TBC1D5: variants seen among roughly 807,000 people sequenced by gnomAD.
TBC1D5 encodes the protein TBC1 domain family, member 5.
Under a neutral mutation model 100.3 loss-of-function variants are expected in TBC1D5, and 75 were observed. The observed-to-expected ratio is 0.75, with a 90% confidence interval of 0.62 to 0.91. TBC1D5 has a LOEUF of 0.91. Among genes scored for constraint, TBC1D5 ranks in the 40% least tolerant of loss-of-function variants. The pLI is 0.00. For missense variants in TBC1D5, 910 were observed against 942.4 expected, an observed-to-expected ratio of 0.97 and a Z score of 0.45; for synonymous variants, 323 against 325.6, an observed-to-expected ratio of 0.99 and a Z score of 0.09.
At chr3:17,163,628 C>T (rs2066305483) in intron 21 of TBC1D5, among the ~76,000 whole-genome samples, 1 of 152,162 alleles carries the variant, frequency 6.6e-6, no homozygotes, top group Admixed American at 6.5e-5. Context: ...CCCAGACCTA[C>T]CTCATTTCAT....
In TBC1D5 at chr3:17,307,967, T is replaced by C. The variant is rs140123950; in HGVS notation, c.1138+25A>G. On this transcript the variant is annotated intron_variant, in intron 14 of 21. Coordinates refer to ENST00000253692, the Ensembl canonical transcript of TBC1D5. ...TGAAAATCAGGAGTACCTAGTCAAA[T>C]GTAGGAAAGGTCATTAATACTTACA... 1.4e-4 allele frequency: 225 copies of C among 1,587,770 alleles called. No homozygotes were observed. The African/African-American group carries it at 2.9e-3, about 20-fold the overall frequency.
chr3:17,212,349 G>A lies in TBC1D5; in HGVS notation c.1752+1858C>T, dbSNP rs78194773. Reference sequence around the variant, plus strand: ...ATAGTGCAATGGATTAAGTGTTTGCGGTAATGCCAGCCTACTGTGCGGCCA... The same window carrying A: ...ATAGTGCAATGGATTAAGTGTTTGCAGTAATGCCAGCCTACTGTGCGGCCA... On this transcript the variant is annotated intron_variant, in intron 18 of 21. Coordinates refer to ENST00000253692, the Ensembl canonical transcript of TBC1D5. 8.7e-3 allele frequency among the ~76,000 whole-genome samples: 1,325 copies of A among 152,232 alleles called. 52 individuals are homozygous for A. The East Asian group carries it at 0.14, about 16-fold the overall frequency.
intron 14 of TBC1D5, among the ~76,000 whole-genome samples, chr3:17,292,397 T>A (rs116944352): frequency 7.7e-6 from 1 of 130,508 alleles, no homozygotes; most frequent in East Asian, 1.9e-4. Context: ...AAGATTTTCA[T>A]GAAATAATAT....
intron 8 of TBC1D5, among the ~76,000 whole-genome samples, chr3:17,390,052 G>T (rs988156106): frequency 1.3e-5 from 2 of 151,992 alleles, no homozygotes; most frequent in Non-Finnish European, 2.9e-5. Flanking sequence ...GATACTTACT[G>T]CAGACATTTG....
chr3:17,662,699 T>TC (rs1195921063), intron 1 of TBC1D5, among the ~76,000 whole-genome samples: 2 of 152,178 alleles, frequency 1.3e-5, no homozygotes, highest in Non-Finnish European at 2.9e-5. Context: ...ATCTGGTCAG[T>TC]CCCAGAAGGC....
chr3:17,489,744 A>C (rs1343259967), intron 3 of TBC1D5, among the ~76,000 whole-genome samples: 1 of 152,130 alleles, frequency 6.6e-6, no homozygotes, highest in Non-Finnish European at 1.5e-5. Context: ...CATTTTCTTT[A>C]TCAAGTCTAT....
intron 1 of TBC1D5, among the ~76,000 whole-genome samples, chr3:17,627,633 AG>A (rs2063164903): frequency 1.3e-5 from 2 of 152,004 alleles, no homozygotes; most frequent in Non-Finnish European, 2.9e-5. Flanking sequence ...ATGTACTGCA[AG>A]GAAGAACAAT....
chr3:17,211,781 T>C (rs908355263), intron 18 of TBC1D5, among the ~76,000 whole-genome samples: 1 of 152,216 alleles, frequency 6.6e-6, no homozygotes, highest in Non-Finnish European at 1.5e-5. Flanking sequence ...ACTGCCCTTG[T>C]TGTCCTTGCA....
chr3:17,730,745 T>C (rs1388444733), intron 1 of TBC1D5, among the ~76,000 whole-genome samples: 1 of 152,222 alleles, frequency 6.6e-6, no homozygotes, highest in East Asian at 1.9e-4. Flanking sequence ...CAGCCTCTTA[T>C]TTACTGCTGT....
At chr3:17,547,802 T>C (rs1018815161) in intron 2 of TBC1D5, among the ~76,000 whole-genome samples, 1 of 152,228 alleles carries the variant, frequency 6.6e-6, no homozygotes, top group South Asian at 2.1e-4. Flanking sequence ...ATTCTGTTTA[T>C]TGCAGTATGT....
At chr3:17,539,792 G>A (rs537849791) in intron 2 of TBC1D5, among the ~76,000 whole-genome samples, 7 of 152,252 alleles carry the variant, frequency 4.6e-5, no homozygotes, top group Non-Finnish European at 7.4e-5. Context: ...AATAATGCTG[G>A]TATGAACATG....
At chr3:17,625,705 T>C (rs991734627) in intron 1 of TBC1D5, among the ~76,000 whole-genome samples, 1 of 152,116 alleles carries the variant, frequency 6.6e-6, no homozygotes, top group South Asian at 2.1e-4. Context: ...CTATGGTTAT[T>C]ACAACCTCAA....
intron 1 of TBC1D5, among the ~76,000 whole-genome samples, chr3:17,679,535 G>A (rs1375602564): frequency 6.6e-6 from 1 of 151,436 alleles, no homozygotes; most frequent in Admixed American, 6.6e-5. Context: ...GTTAAAAGAA[G>A]TCTTAAAATC....
At chr3:17,552,179 T>A (rs1376854399) in intron 2 of TBC1D5, among the ~76,000 whole-genome samples, 2 of 151,374 alleles carry the variant, frequency 1.3e-5, no homozygotes, top group Non-Finnish European at 2.9e-5. Context: ...CAAGGACCTA[T>A]GATCTTAAGA....
At chr3:17,323,952 A>C (rs1385833828) in intron 13 of TBC1D5, among the ~76,000 whole-genome samples, 1 of 152,258 alleles carries the variant, frequency 6.6e-6, no homozygotes, top group Non-Finnish European at 1.5e-5. Context: ...CTTTAATTCA[A>C]GACAACATAG....
chr3:17,367,916 A>G (rs1301422981), intron 13 of TBC1D5, among the ~76,000 whole-genome samples: 1 of 152,142 alleles, frequency 6.6e-6, no homozygotes, highest in East Asian at 1.9e-4. Flanking sequence ...GAGAAACTTC[A>G]TTCTATGTGC....
intron 15 of TBC1D5, among the ~76,000 whole-genome samples, chr3:17,267,761 G>T (rs1012108538): frequency 3.3e-5 from 5 of 151,954 alleles, no homozygotes; most frequent in African/African-American, 1.2e-4. Context: ...TTTTGGAATT[G>T]CCAAGGCAAC....
intron 2 of TBC1D5, among the ~76,000 whole-genome samples, chr3:17,570,575 T>C (rs1053399080): frequency 6.6e-6 from 1 of 152,082 alleles, no homozygotes; most frequent in Admixed American, 6.6e-5. Flanking sequence ...TTTTACTGTA[T>C]GTATTGTATC....
intron 3 of TBC1D5, among the ~76,000 whole-genome samples, chr3:17,436,991 T>C (rs1159052263): frequency 2.0e-5 from 3 of 152,162 alleles, no homozygotes; most frequent in African/African-American, 7.2e-5. Flanking sequence ...TAATACACAA[T>C]GCAACAGTGT....
Sources: allele counts gnomAD v4.1 joint callset (sites outside exome capture counted in the v4.1 genomes callset), GRCh38; gene constraint gnomAD v4.1.1; transcripts MANE v1.5; gene names NCBI Gene and HGNC (gene_info 2026-07-23, HGNC 2026-07-21).